DLGAP5: variants seen among roughly 807,000 people sequenced by gnomAD.
DLGAP5 encodes the protein DLG associated protein 5, also known as disks large-associated protein 5.
Under a neutral mutation model 99.6 loss-of-function variants are expected in DLGAP5, and 90 were observed. That is an observed-to-expected ratio of 0.90 (90% CI 0.76 to 1.08). DLGAP5 has a LOEUF of 1.08. Among genes scored for constraint, DLGAP5 ranks in the 50% least tolerant of loss-of-function variants. DLGAP5 has a pLI of 0.00. For missense variants in DLGAP5, 1,036 were observed against 983.5 expected (o/e 1.05, Z -0.71); for synonymous variants, 311 against 321.3 (o/e 0.97, Z 0.34).
At chr14:55,155,637 C>G (rs554666537) in intron 14 of DLGAP5, among the ~76,000 whole-genome samples, 1 of 151,928 alleles carries the variant, frequency 6.6e-6, no homozygotes, top group Non-Finnish European at 1.5e-5. Context: ...TGTGAGCCAC[C>G]GTGCCTGGAC....
intron 10 of DLGAP5, among the ~76,000 whole-genome samples, chr14:55,174,532 T>C (rs1262434328): frequency 2.6e-5 from 4 of 152,176 alleles, no homozygotes; most frequent in Non-Finnish European, 5.9e-5. Flanking sequence ...TTGTGGGGCA[T>C]CACGGAACCT....
Position 55,182,404 on chromosome 14 carries a change from C to G in DLGAP5, c.461G>C (p.Arg154Thr). 6.2e-7 allele frequency: 1 copy of G among 1,612,788 alleles called. No individual in the cohort carries two copies. Among genetic ancestry groups the G allele is most frequent in the South Asian group, 1.1e-5 (1 of 90,974 alleles). ...KAIPSSVRIT[R>T]SKAKDQMEQT... Reference sequence around the variant, plus strand: ...CTCCATTTGGTCTTTGGCCTTTGACCTTGTAATCCGTACAGAAGATGGAAT... The same window carrying G: ...CTCCATTTGGTCTTTGGCCTTTGACGTTGTAATCCGTACAGAAGATGGAAT... Residue 154 changes from arginine (R) to threonine (T), a missense_variant, in exon 4 of 19, where the codon AGG (arginine) becomes ACG (threonine). Arg to Thr is a moderately conservative substitution (Grantham distance 71). Transcript: ENST00000247191.
chr14:55,180,789 A>G lies in DLGAP5; in HGVS notation c.581-11T>C, dbSNP rs1883246392. ...TTACAGGCTGCACAACTGTGGGAAAAAAAAATAACTACATCAAATGTCCCT... is the reference window on the plus strand; with the variant it reads ...TTACAGGCTGCACAACTGTGGGAAAGAAAAATAACTACATCAAATGTCCCT... On this transcript the variant is annotated splice_polypyrimidine_tract_variant and intron_variant, in intron 5 of 18. Transcript: ENST00000247191. The G allele has an allele frequency of 6.2e-7, 1 of 1,614,094 alleles. No homozygotes were observed. The highest frequency in any genetic ancestry group is 1.3e-5 in the African/African-American group (1 of 75,040).
At position 55,183,759 on chromosome 14, in the gene DLGAP5, C is replaced by T. The variant is rs567974503; in HGVS notation, c.239-6G>A. 65 of 1,553,256 alleles carry T rather than the reference C, an allele frequency of 4.2e-5. 3 individuals are homozygous for T. The South Asian group carries it at 7.8e-4, about 19-fold the overall frequency. Reference sequence around the variant, plus strand: ...TAGAATAGTTTTCATTGCCCCTAGGCAGAAAAAAAACCAAAACCACACAGT... The same window carrying T: ...TAGAATAGTTTTCATTGCCCCTAGGTAGAAAAAAAACCAAAACCACACAGT... On this transcript the variant is annotated splice_polypyrimidine_tract_variant and splice_region_variant and intron_variant, in intron 2 of 18. Transcript: ENST00000247191.
chr14:55,189,141 A>G lies in DLGAP5; in HGVS notation c.39T>C (p.Asp13=). 1 of 1,613,796 alleles carries G rather than the reference A, an allele frequency of 6.2e-7. No homozygotes were observed. Among genetic ancestry groups the G allele is most frequent in the Non-Finnish European group, 8.5e-7 (1 of 1,179,928 alleles). Residue 13 remains aspartate (D), a synonymous_variant, in exon 2 of 19, where the codon GAT becomes GAC. Transcript: ENST00000247191. The part of the protein sequence containing the change: ...SSHFASRHRK[D]ISTEMIRTKI... ...TAGTTCTAATCATTTCAGTACTTAT[A>G]TCCTTCCTGTGTCGACTGGCAAAAT...
In DLGAP5 at chr14:55,163,062, A is replaced by C. The variant is rs775203815; in HGVS notation, c.1562T>G (p.Ile521Ser). Residue 521 changes from isoleucine to serine, a missense_variant, in exon 13 of 19, where the codon ATC becomes AGC. By Grantham distance (142) the Ile-to-Ser change is moderately radical. Transcript: ENST00000247191. ...DMVSFQIEDV[I>S]HKFNNLIKLE... Reference sequence around the variant, plus strand: ...TTTGATCAGATTGTTGAATTTGTGGATTACATCTTCTATCTGTTAATAAAG... The same window carrying C: ...TTTGATCAGATTGTTGAATTTGTGGCTTACATCTTCTATCTGTTAATAAAG... 2.3e-5 allele frequency: 37 copies of C among 1,593,294 alleles called. No homozygotes were observed. Among genetic ancestry groups the C allele is most frequent in the Non-Finnish European group, 4.3e-6 (5 of 1,169,274 alleles).
intron 14 of DLGAP5, among the ~76,000 whole-genome samples, chr14:55,156,354 G>A (rs1329129650): frequency 1.3e-5 from 2 of 152,136 alleles, no homozygotes; most frequent in Non-Finnish European, 2.9e-5. Flanking sequence ...TTGAGAGACA[G>A]GGTACTACAT....
chr14:55,159,764 T>C (rs1421068430), intron 13 of DLGAP5, among the ~76,000 whole-genome samples: 1 of 152,074 alleles, frequency 6.6e-6, no homozygotes, highest in Non-Finnish European at 1.5e-5. Flanking sequence ...ACAGGTTGGG[T>C]AAGATTGCAC....
chr14:55,185,928 G>A (rs1439365183), intron 2 of DLGAP5, among the ~76,000 whole-genome samples: 1 of 152,166 alleles, frequency 6.6e-6, no homozygotes, highest in Non-Finnish European at 1.5e-5. Context: ...AACAAATTAT[G>A]CTTAGAAGAT....
chr14:55,175,243 C>T (rs1321138131), intron 10 of DLGAP5, 103 bp downstream of exon 10: 2 of 948,672 alleles, frequency 2.1e-6, no homozygotes, highest in African/African-American at 1.7e-5. Context: ...AATCACCTAA[C>T]ACCAGTTTTC....
chr14:55,182,925 T>A (rs1883323160), intron 3 of DLGAP5, among the ~76,000 whole-genome samples: 1 of 152,190 alleles, frequency 6.6e-6, no homozygotes, highest in South Asian at 2.1e-4. Context: ...TTTACTAATA[T>A]CTAGGTGGCC....
Position 55,154,597 on chromosome 14 carries a change from T to G in DLGAP5, c.2063+20A>C. On this transcript the variant is annotated intron_variant, in intron 15 of 18. Coordinates refer to ENST00000247191, the MANE Select transcript of DLGAP5 (RefSeq NM_014750.5). ...AGTATCAGCAACTGTTAAACTCTTA[T>G]TAACATGTTAAAGAAATACCTGCTT... 1.3e-6 allele frequency: 2 copies of G among 1,599,142 alleles called. No individual in the cohort carries two copies. The highest frequency in any genetic ancestry group is 1.7e-6 in the Non-Finnish European group (2 of 1,166,800).
At chr14:55,179,045 T>C (rs1374676750) in intron 7 of DLGAP5, among the ~76,000 whole-genome samples, 1 of 152,066 alleles carries the variant, frequency 6.6e-6, no homozygotes, top group Non-Finnish European at 1.5e-5. Flanking sequence ...AGACTCTGTC[T>C]CAAAAAATAA....
intron 11 of DLGAP5, 81 bp from the exon 12 acceptor site, chr14:55,169,640 C>T (rs17128277): frequency 0.026 from 32,252 of 1,250,790 alleles, 2,437 homozygotes; most frequent in African/African-American, 0.25. Flanking sequence ...TAAGACTTCA[C>T]TCCAAACATC....
intron 12 of DLGAP5, among the ~76,000 whole-genome samples, chr14:55,167,654 G>C (rs1882691789): frequency 6.6e-6 from 1 of 152,188 alleles, no homozygotes. Flanking sequence ...TCCTGAGAAA[G>C]GGTACATGGA....
chr14:55,180,978 A>G (rs1883253625), intron 5 of DLGAP5, among the ~76,000 whole-genome samples, 200 bp from the exon 6 acceptor site: 1 of 152,138 alleles, frequency 6.6e-6, no homozygotes, highest in Non-Finnish European at 1.5e-5. Context: ...TCAGCTGGGC[A>G]TGGTGGCAAG....
At chr14:55,187,298 A>T (rs1446988419) in intron 2 of DLGAP5, among the ~76,000 whole-genome samples, 2 of 148,768 alleles carry the variant, frequency 1.3e-5, no homozygotes, top group East Asian at 4.1e-4. Flanking sequence ...TCTATTCTCA[A>T]CACAGCAGCC....
chr14:55,167,072 T>G (rs1016299362), intron 12 of DLGAP5, among the ~76,000 whole-genome samples: 3 of 151,674 alleles, frequency 2.0e-5, no homozygotes, highest in African/African-American at 7.3e-5. Flanking sequence ...CTGACCAACA[T>G]GGCGAACCCC....
intron 17 of DLGAP5, 91 bp from the exon 18 acceptor site, chr14:55,150,939 TC>T: frequency 1.2e-6 from 1 of 827,442 alleles, no homozygotes; most frequent in Non-Finnish European, 1.9e-6. Context: ...TATGAAAAGT[TC>T]CACATATCAA....
Sources: allele counts gnomAD v4.1 joint callset (sites outside exome capture counted in the v4.1 genomes callset), GRCh38; gene constraint gnomAD v4.1.1; transcripts MANE v1.5; gene names NCBI Gene and HGNC (gene_info 2026-07-23, HGNC 2026-07-21).